The following PSTPIP1 variants were observed in gnomAD, a reference collection of about 807,000 sequenced individuals.
The protein encoded by PSTPIP1 is proline-serine-threonine phosphatase interacting protein 1.
Under a neutral mutation model 69.6 loss-of-function variants are expected in PSTPIP1, and 66 were observed. That is an observed-to-expected ratio of 0.95 (90% CI 0.78 to 1.16). PSTPIP1 has a LOEUF of 1.16. Among genes scored for constraint, PSTPIP1 ranks in the 50% most tolerant of loss-of-function variants. PSTPIP1 has a pLI of 0.00. For synonymous variants in PSTPIP1, 266 were observed against 222.7 expected, an observed-to-expected ratio of 1.19 and a Z score of -1.73; for missense variants, 603 against 557.4, an observed-to-expected ratio of 1.08 and a Z score of -0.82.
Position 77,006,055 on chromosome 15 carries a change from C to G in PSTPIP1, c.36+10446C>G, listed in dbSNP as rs572203976. On this transcript the variant is annotated intron_variant, in intron 1 of 14. Coordinates refer to ENST00000558012, the MANE Select transcript of PSTPIP1 (RefSeq NM_003978.5). ...TCCTATGTTTAACTTTTTGAGTAAC[C>G]GCCAAACAGTTTTACATTCCCATCA... Among the ~76,000 whole-genome samples, 3 of 152,130 alleles carry G rather than the reference C, an allele frequency of 2.0e-5. No homozygotes were observed. In the South Asian group the frequency reaches 6.2e-4, roughly 32 times the overall value.
intron 14 of PSTPIP1, among the ~76,000 whole-genome samples, chr15:77,036,690 T>C (rs551742974): frequency 6.6e-6 from 1 of 152,154 alleles, no homozygotes; most frequent in East Asian, 1.9e-4. Context: ...TAGCTGGGGC[T>C]GGGGACCGCA....
Position 77,025,271 on chromosome 15 carries a change from A to G in PSTPIP1, c.213-13A>G, listed in dbSNP as rs1478470243. 1 of 1,607,022 alleles carries G rather than the reference A, an allele frequency of 6.2e-7. No individual in the cohort carries two copies. Among genetic ancestry groups the G allele is most frequent in the Non-Finnish European group, 8.5e-7 (1 of 1,173,766 alleles). On this transcript the variant is annotated splice_polypyrimidine_tract_variant and intron_variant, in intron 3 of 14. Transcript: ENST00000558012. The stretch of plus-strand genomic sequence containing the variant: ...GCTCTCCTCCTCCTGACCTGGACCC[A>G]TCTGTTTTGCAGCTCCCTGAGGGCC...
chr15:76,998,532 G>A (rs1466854675), intron 1 of PSTPIP1, among the ~76,000 whole-genome samples: 1 of 152,172 alleles, frequency 6.6e-6, no homozygotes, highest in Non-Finnish European at 1.5e-5. Context: ...TGGTCATGGG[G>A]TCTTTTAGCC....
At chr15:77,012,112 G>GCCAT (rs566088503) in intron 1 of PSTPIP1, among the ~76,000 whole-genome samples, 19 of 88,560 alleles carry the variant, frequency 2.1e-4, no homozygotes, top group East Asian at 1.5e-3. Context: ...GAGGGCTCTG[G>GCCAT]CCATCCATCC....
At chr15:77,004,501 G>C (rs956637698) in intron 1 of PSTPIP1, among the ~76,000 whole-genome samples, 1 of 152,184 alleles carries the variant, frequency 6.6e-6, no homozygotes, top group African/African-American at 2.4e-5. Flanking sequence ...TGAGGCAAGA[G>C]CATGCCTGCG....
intron 2 of PSTPIP1, 52 bp downstream of exon 2, chr15:77,018,300 C>G: frequency 6.5e-7 from 1 of 1,545,880 alleles, no homozygotes; most frequent in Non-Finnish European, 8.8e-7. Context: ...AGGTGGCTTC[C>G]GCTCGGCTCC....
At chr15:77,030,270 T>C (rs2076382985) in intron 8 of PSTPIP1, among the ~76,000 whole-genome samples, 1 of 152,234 alleles carries the variant, frequency 6.6e-6, no homozygotes, top group Non-Finnish European at 1.5e-5. Flanking sequence ...CTTGCATATA[T>C]GAGGCTCCAC....
rs752253878 is a variant in PSTPIP1, at chr15:77,035,808, C to T, written c.992C>T (p.Thr331Ile). 20 of 1,607,436 alleles carry T rather than the reference C, an allele frequency of 1.2e-5. No individual in the cohort carries two copies. The highest frequency in any genetic ancestry group is 1.7e-5 in the Non-Finnish European group (20 of 1,179,372). ...TGTCTCACCCTGCTCTTAGCGTCCA[C>T]AGAGACCCTGACCCCCACCCCCGAG... ...TTSLAASAAS[T>I]ETLTPTPERN... The change falls in exon 14 of 15, where the codon ACA (threonine) becomes ATA (isoleucine). Residue 331 changes from threonine (T) to isoleucine (I), a missense_variant. By Grantham distance (89) the Thr-to-Ile change is moderately conservative. Transcript: ENST00000558012.
chr15:77,014,775 A>T (rs1396819487), intron 1 of PSTPIP1, among the ~76,000 whole-genome samples: 1 of 152,238 alleles, frequency 6.6e-6, no homozygotes, highest in Non-Finnish European at 1.5e-5. Flanking sequence ...GAATGAAGCC[A>T]GTAGGCTGTC....
intron 1 of PSTPIP1, among the ~76,000 whole-genome samples, chr15:77,001,416 A>C (rs1305031831): frequency 6.6e-6 from 1 of 152,180 alleles, no homozygotes; most frequent in African/African-American, 2.4e-5. Context: ...GGGCCTGTGG[A>C]TGGGGCCCTG....
intron 1 of PSTPIP1, among the ~76,000 whole-genome samples, chr15:76,995,826 C>A (rs1482142809): frequency 6.6e-6 from 1 of 152,218 alleles, no homozygotes; most frequent in Non-Finnish European, 1.5e-5. Context: ...CTCTCTGCTG[C>A]CCCGTGTGTT....
intron 10 of PSTPIP1, 54 bp from the exon 11 acceptor site, chr15:77,032,244 C>T: frequency 6.3e-7 from 1 of 1,576,918 alleles, no homozygotes; most frequent in Middle Eastern, 1.7e-4. Context: ...AGTTCAGGCC[C>T]ACAGAGGGGC....
chr15:77,003,313 C>T (rs1052422765), intron 1 of PSTPIP1, among the ~76,000 whole-genome samples: 1 of 152,046 alleles, frequency 6.6e-6, no homozygotes, highest in Admixed American at 6.5e-5. Flanking sequence ...CCCTGGGCTG[C>T]CCACACCAGG....
At chr15:77,035,405 G>A (rs1568526249) in intron 12 of PSTPIP1, 103 bp from the exon 13 acceptor site, 12 of 1,242,302 alleles carry the variant, frequency 9.7e-6, no homozygotes, top group Non-Finnish European at 1.4e-5. Context: ...AGCCCTGGCA[G>A]AGCGCGTGCA....
intron 6 of PSTPIP1, 101 bp from the exon 7 acceptor site, chr15:77,028,453 C>A: frequency 1.9e-6 from 2 of 1,059,434 alleles, no homozygotes; most frequent in Non-Finnish European, 2.7e-6. Context: ...ACCCGCAACC[C>A]TCGCCAGGGA....
chr15:77,023,118 G>A (rs2076197627), intron 3 of PSTPIP1, among the ~76,000 whole-genome samples: 1 of 152,266 alleles, frequency 6.6e-6, no homozygotes, highest in Admixed American at 6.5e-5. Flanking sequence ...GCACCCCTCA[G>A]CCTGAGACCA....
intron 9 of PSTPIP1, 143 bp from the exon 10 acceptor site, chr15:77,031,037 C>T: frequency 1.3e-6 from 1 of 773,826 alleles, no homozygotes; most frequent in South Asian, 1.7e-5. Flanking sequence ...GGGATGGGGA[C>T]CCCAGGGCAC....
chr15:77,036,989 G>A, intron 14 of PSTPIP1, 56 bp from the exon 15 acceptor site: 5 of 1,572,634 alleles, frequency 3.2e-6, no homozygotes, highest in Non-Finnish European at 4.3e-6. Context: ...GCCCCTCCCT[G>A]CAGGCCCTTC....
At chr15:77,022,967 C>A (rs966090433) in intron 3 of PSTPIP1, among the ~76,000 whole-genome samples, 1 of 152,216 alleles carries the variant, frequency 6.6e-6, no homozygotes, top group Non-Finnish European at 1.5e-5. Context: ...TGAGCACAGA[C>A]CATCACTGTC....
Sources: allele counts gnomAD v4.1 joint callset (sites outside exome capture counted in the v4.1 genomes callset), GRCh38; gene constraint gnomAD v4.1.1; transcripts MANE v1.5; gene names NCBI Gene and HGNC (gene_info 2026-07-23, HGNC 2026-07-21).